Variants in LOC400499 observed in about 807,000 individuals in gnomAD.
the LOC400499 span, among the ~76,000 whole-genome samples, chr16:11,491,269 C>T: frequency 6.6e-6 from 1 of 152,136 alleles, no homozygotes; most frequent in African/African-American, 2.4e-5. Context: ...TTTGAATTTA[C>T]ATCTTTGCGT....
chr16:11,458,952 G>T, the LOC400499 span, among the ~76,000 whole-genome samples: 1 of 151,688 alleles, frequency 6.6e-6, no homozygotes, highest in Non-Finnish European at 1.5e-5. Context: ...CTGGAGAATT[G>T]CATGAACCCA....
the LOC400499 span, among the ~76,000 whole-genome samples, chr16:11,512,204 C>T: frequency 2.0e-5 from 3 of 151,872 alleles, no homozygotes; most frequent in African/African-American, 7.3e-5. Context: ...ATTGCTTGAG[C>T]CCGGAAGGAG....
At chr16:11,401,576 C>G in the LOC400499 span, among the ~76,000 whole-genome samples, 2 of 146,554 alleles carry the variant, frequency 1.4e-5, no homozygotes, top group African/African-American at 2.8e-5. Context: ...GTCCATTTCA[C>G]AGAGGAGGAA....
the LOC400499 span, among the ~76,000 whole-genome samples, chr16:11,400,060 G>GAAA: frequency 3.6e-4 from 52 of 146,120 alleles, no homozygotes; most frequent in African/African-American, 1.2e-3. Context: ...GCATTTAAAT[G>GAAA]AAAAAAAAAA....
chr16:11,414,094 G>A, the LOC400499 span, among the ~76,000 whole-genome samples: 46 of 152,206 alleles, frequency 3.0e-4, no homozygotes, highest in Admixed American at 1.6e-3. Context: ...GCAGAAGGAC[G>A]CAGGGCAGGA....
the LOC400499 span, chr16:11,447,892 A>T: frequency 6.6e-7 from 1 of 1,509,540 alleles, no homozygotes; most frequent in Non-Finnish European, 8.8e-7. Flanking sequence ...AGAGAAGGGG[A>T]AACTTGCAGG....
the LOC400499 span, among the ~76,000 whole-genome samples, chr16:11,457,404 T>A: frequency 1.3e-5 from 2 of 151,796 alleles, no homozygotes; most frequent in African/African-American, 4.8e-5. Flanking sequence ...CCATCCCAGC[T>A]AACACGGTGA....
chr16:11,435,152 A>T, the LOC400499 span, among the ~76,000 whole-genome samples: 4 of 150,444 alleles, frequency 2.7e-5, no homozygotes, highest in South Asian at 4.2e-4. Context: ...GCTATTTTTT[A>T]AAAATTTTCT....
chr16:11,435,311 G>C, the LOC400499 span, among the ~76,000 whole-genome samples: 11 of 151,750 alleles, frequency 7.2e-5, no homozygotes, highest in African/African-American at 2.4e-4. Flanking sequence ...ATGGGGTCTT[G>C]CTATATTGTG....
chr16:11,430,134 G>C, the LOC400499 span, among the ~76,000 whole-genome samples: 1 of 152,170 alleles, frequency 6.6e-6, no homozygotes, highest in African/African-American at 2.4e-5. Context: ...GCATCGGGAA[G>C]TGTCACTCAA....
the LOC400499 span, among the ~76,000 whole-genome samples, chr16:11,499,917 C>T: frequency 6.6e-6 from 1 of 152,098 alleles, no homozygotes; most frequent in Non-Finnish European, 1.5e-5. Flanking sequence ...GGCAAGCTGC[C>T]CTACCTCTTT....
chr16:11,379,282 C>T, the LOC400499 span, among the ~76,000 whole-genome samples: 1 of 152,140 alleles, frequency 6.6e-6, no homozygotes, highest in African/African-American at 2.4e-5. Context: ...AGTCTCCTAC[C>T]ATTATCGTAG....
the LOC400499 span, among the ~76,000 whole-genome samples, chr16:11,386,594 C>T: frequency 1.3e-5 from 2 of 152,224 alleles, no homozygotes; most frequent in Non-Finnish European, 2.9e-5. Context: ...ACAGTACATG[C>T]CCATTACCCA....
chr16:11,495,256 T>G, the LOC400499 span, among the ~76,000 whole-genome samples: 2 of 151,026 alleles, frequency 1.3e-5, no homozygotes, highest in Non-Finnish European at 1.5e-5. Flanking sequence ...GCACTCCATG[T>G]GGCCCACGAC....
At chr16:11,381,864 T>C in the LOC400499 span, among the ~76,000 whole-genome samples, 4 of 152,176 alleles carry the variant, frequency 2.6e-5, no homozygotes, top group South Asian at 4.1e-4. Context: ...TTAGTTCTGA[T>C]GGGTCTTGGT....
At chr16:11,522,895 T>G in the LOC400499 span, among the ~76,000 whole-genome samples, 3 of 151,864 alleles carry the variant, frequency 2.0e-5, no homozygotes, top group Non-Finnish European at 4.4e-5. Context: ...AACAGAGAGG[T>G]CTGTAATTAT....
chr16:11,402,960 CTCCT>C, the LOC400499 span, among the ~76,000 whole-genome samples: 18 of 152,252 alleles, frequency 1.2e-4, no homozygotes, highest in African/African-American at 3.9e-4. Context: ...GTCCTGTGCT[CTCCT>C]TCCATCTTGG....
chr16:11,420,727 C>T, the LOC400499 span, among the ~76,000 whole-genome samples: 3 of 151,792 alleles, frequency 2.0e-5, no homozygotes, highest in Non-Finnish European at 4.4e-5. Flanking sequence ...TGGTCCCCTG[C>T]AACCCAAAGA....
the LOC400499 span, among the ~76,000 whole-genome samples, chr16:11,408,572 C>T: frequency 5.8e-3 from 867 of 150,362 alleles, 11 homozygotes; most frequent in African/African-American, 0.02. Flanking sequence ...TCAAGCAATT[C>T]TTCCATACCT....
Sources: allele counts gnomAD v4.1 joint callset (sites outside exome capture counted in the v4.1 genomes callset), GRCh38; gene constraint gnomAD v4.1.1; transcripts MANE v1.5.